Variants in HKDC1 observed in about 807,000 individuals in gnomAD.
HKDC1 encodes hexokinase HKDC1.
A neutral mutation model predicts 96.6 loss-of-function variants in HKDC1; 66 were observed. The observed-to-expected ratio is 0.68, with a 90% CI of 0.56 to 0.84. The LOEUF is 0.84. Among genes scored for constraint, HKDC1 ranks in the 40% least tolerant of loss-of-function variants. The pLI is 0.00. For missense variants in HKDC1, 1,211 were observed against 1,208.1 expected (o/e 1.00, Z -0.04); for synonymous variants, 466 against 473.1 (o/e 0.98, Z 0.20).
chr10:69,228,704 A>G (rs980427144), intron 2 of HKDC1, among the ~76,000 whole-genome samples: 2 of 152,088 alleles, frequency 1.3e-5, no homozygotes, highest in Non-Finnish European at 2.9e-5. Context: ...CACCTCTACT[A>G]AAAATACAAC....
chr10:69,248,217 CT>C (rs5785906), intron 9 of HKDC1, among the ~76,000 whole-genome samples: 96,665 of 151,878 alleles, frequency 0.64, 31,230 homozygotes, highest in East Asian at 0.96. Context: ...AGAATAAGCA[CT>C]TCCCCGAGCC....
Position 69,232,771 on chromosome 10 carries a change from G to A in HKDC1, c.234G>A (p.Gly78=), listed in dbSNP as rs1287616492. ...VRAIPDGSEN[G]EFLSLDLGGS... ...GAATTTGTTTCTTAATAGAAAATGG[G>A]GAGTTCCTTTCCCTGGATCTCGGAG... The change falls in exon 3 of 18, where the codon GGG becomes GGA. Residue 78 remains glycine, a synonymous_variant. Transcript: ENST00000354624. The A allele has an allele frequency of 5.0e-6, 8 of 1,613,994 alleles. No homozygotes were observed. In the South Asian group the frequency reaches 5.5e-5, roughly 11 times the overall value.
At position 69,267,212 on chromosome 10, in the gene HKDC1, G is replaced by A. The variant is rs750871930; in HGVS notation, c.*455G>A. 1.1e-5 allele frequency: 3 copies of A among 266,086 alleles called. No homozygotes were observed. Among genetic ancestry groups the A allele is most frequent in the South Asian group, 8.4e-5 (2 of 23,822 alleles). 16.5% of individuals were successfully genotyped at this position (266,086 alleles called of 1,614,324 possible). A position where few individuals can be genotyped will look rare whatever the true frequency, so the allele number is the denominator to read the frequency against. On this transcript the variant is annotated 3_prime_UTR_variant, in exon 18 of 18. Transcript: ENST00000354624. ...ACATTGGAGAGCAAGAGGAACTCAC[G>A]TTATGAACTAGGGGGATCTCATCTA...
At chr10:69,250,012 C>T (rs1295430492) in intron 10 of HKDC1, among the ~76,000 whole-genome samples, 1 of 152,218 alleles carries the variant, frequency 6.6e-6, no homozygotes, top group Non-Finnish European at 1.5e-5. Flanking sequence ...TGACTCCAGG[C>T]CAGGGCTCTT....
chr10:69,235,095 C>CCAG (rs1447692035), intron 4 of HKDC1, among the ~76,000 whole-genome samples: 1 of 151,838 alleles, frequency 6.6e-6, no homozygotes, highest in African/African-American at 2.4e-5. Context: ...CCACTGCACT[C>CCAG]CAGCAGCGCA....
At chr10:69,249,532 G>C (rs1170017681) in intron 10 of HKDC1, among the ~76,000 whole-genome samples, 1 of 152,120 alleles carries the variant, frequency 6.6e-6, no homozygotes, top group Non-Finnish European at 1.5e-5. Flanking sequence ...GTCTCGCTCT[G>C]TCACCCAGGC....
At chr10:69,254,882 G>C (rs1843695510) in intron 12 of HKDC1, among the ~76,000 whole-genome samples, 1 of 152,168 alleles carries the variant, frequency 6.6e-6, no homozygotes, top group Admixed American at 6.5e-5. Context: ...GAGAGGAAAA[G>C]GTCTGGAAGG....
intron 8 of HKDC1, among the ~76,000 whole-genome samples, chr10:69,246,525 C>T (rs1202682284): frequency 6.6e-6 from 1 of 152,186 alleles, no homozygotes; most frequent in Non-Finnish European, 1.5e-5. Flanking sequence ...GATCACAGAT[C>T]CTTTTGAGAA....
rs145396228 is a variant in HKDC1 at position 69,234,663 on chromosome 10, A to G, written c.495+1530A>G. Among the ~76,000 whole-genome samples the G allele has an allele frequency of 3.9e-5, 6 of 152,362 alleles. No homozygotes were observed. In the East Asian group the frequency reaches 9.7e-4, roughly 25 times the overall value. Reference sequence around the variant, plus strand: ...CCAACACTGTGGTTGGGCCTTACACAGTAGCTGCTAGGCTGTGGTGACTGT... The same window carrying G: ...CCAACACTGTGGTTGGGCCTTACACGGTAGCTGCTAGGCTGTGGTGACTGT... On this transcript the variant is annotated intron_variant, in intron 4 of 17. Transcript: ENST00000354624.
chr10:69,266,830 G>A lies in HKDC1; in HGVS notation c.*73G>A. On this transcript the variant is annotated 3_prime_UTR_variant, in exon 18 of 18. Transcript: ENST00000354624. ...TCCTCTGGCAGATCAGTTGGTCAGA[G>A]ACCAATGGGCACCCTCCTGGCTGAC... The A allele has an allele frequency of 6.7e-7, 1 of 1,490,944 alleles. No individual in the cohort carries two copies. Among genetic ancestry groups the A allele is most frequent in the Non-Finnish European group, 9.1e-7 (1 of 1,100,774 alleles). The allele number at this position is 1,490,944 out of a possible 1,614,324, so 92.4% of individuals were successfully genotyped here.
At position 69,220,499 on chromosome 10, in the gene HKDC1, G is replaced by A. The variant is rs770905739; in HGVS notation, c.63+1G>A. ...GCTGAAGGAGGACCAGATCAAGAAG[G>A]TAAGGAGGACCCACGAAGCTGAGAG... On this transcript the variant is annotated splice_donor_variant, in intron 1 of 17. Transcript: ENST00000354624. LOFTEE classifies it high-confidence loss of function. 6.3e-7 allele frequency: 1 copy of A among 1,590,074 alleles called. No individual in the cohort carries two copies. The highest frequency in any genetic ancestry group is 1.8e-5 in the Admixed American group (1 of 55,300).
chr10:69,257,448 A>T (rs1388970415), intron 14 of HKDC1, 22 bp downstream of exon 14: 1 of 1,522,012 alleles, frequency 6.6e-7, no homozygotes, highest in African/African-American at 1.4e-5. Flanking sequence ...GGCATGGCCC[A>T]TTGGCCTAAT....
At chr10:69,249,878 G>T (rs1315337941) in intron 10 of HKDC1, among the ~76,000 whole-genome samples, 1 of 152,186 alleles carries the variant, frequency 6.6e-6, no homozygotes, top group Non-Finnish European at 1.5e-5. Flanking sequence ...CGAGAAGGCT[G>T]TCAGTCAGTG....
At chr10:69,250,912 C>T (rs527296221) in intron 12 of HKDC1, among the ~76,000 whole-genome samples, 14 of 152,022 alleles carry the variant, frequency 9.2e-5, no homozygotes, top group African/African-American at 2.2e-4. Context: ...AAAGAGAGGT[C>T]GAATCATATT....
At chr10:69,232,690 C>T in intron 2 of HKDC1, 74 bp from the exon 3 acceptor site, 1 of 1,366,408 alleles carries the variant, frequency 7.3e-7, no homozygotes, top group Non-Finnish European at 1.0e-6. Flanking sequence ...ATTATATGTC[C>T]AACCTCTAAT....
At chr10:69,227,942 G>A (rs533613916) in intron 2 of HKDC1, among the ~76,000 whole-genome samples, 1 of 152,356 alleles carries the variant, frequency 6.6e-6, no homozygotes, top group Non-Finnish European at 1.5e-5. Flanking sequence ...CCTGAGGCAA[G>A]TGTTTAGCCT....
chr10:69,234,156 C>A (rs1304860258), intron 4 of HKDC1, among the ~76,000 whole-genome samples: 1 of 152,180 alleles, frequency 6.6e-6, no homozygotes, highest in Admixed American at 6.5e-5. Flanking sequence ...CGGGCCACTC[C>A]TGTCTGGGTT....
chr10:69,255,450 A>T (rs1424360624), intron 12 of HKDC1, among the ~76,000 whole-genome samples: 1 of 152,120 alleles, frequency 6.6e-6, no homozygotes, highest in East Asian at 1.9e-4. Context: ...GGCTGACGGC[A>T]CTGCCATCAG....
intron 4 of HKDC1, 110 bp from the exon 5 acceptor site, chr10:69,238,932 C>G: frequency 1.5e-6 from 1 of 661,342 alleles, no homozygotes; most frequent in East Asian, 2.8e-5. Flanking sequence ...GGTGATTCAG[C>G]TTAGAGAAGA....
Sources: gnomAD v4.1 joint callset for allele counts (sites outside exome capture counted in the v4.1 genomes callset) on GRCh38, gnomAD v4.1.1 for gene constraint, MANE v1.5 for transcripts, NCBI Gene and HGNC (gene_info 2026-07-23, HGNC 2026-07-21) for gene names.